PTPRT: variants seen among roughly 807,000 people sequenced by gnomAD.
The protein encoded by PTPRT is protein tyrosine phosphatase receptor type T.
In PTPRT, 56 loss-of-function variants were observed where a neutral mutation model predicts 176.8. The observed-to-expected ratio is 0.32, with a 90% CI of 0.26 to 0.40. PTPRT has a LOEUF of 0.40. PTPRT is among the 10% of genes least tolerant of loss of function. PTPRT has a pLI of 1.00. For missense variants in PTPRT, 1,540 were observed against 1,908.2 expected (o/e 0.81, Z 3.60); for synonymous variants, 783 against 739.0 (o/e 1.06, Z -0.96).
intron 6 of PTPRT, among the ~76,000 whole-genome samples, chr20:42,744,144 AC>A (rs2076655684): frequency 6.6e-6 from 1 of 152,148 alleles, no homozygotes; most frequent in Non-Finnish European, 1.5e-5. Flanking sequence ...CAGGAGGATC[AC>A]CAGTCCTCCG....
chr20:42,124,511 C>G (rs933338694), intron 19 of PTPRT, among the ~76,000 whole-genome samples: 1 of 152,158 alleles, frequency 6.6e-6, no homozygotes, highest in African/African-American at 2.4e-5. Context: ...CCACGGCCTC[C>G]GGAGGCAGAG....
rs932013028 is a variant in PTPRT at position 42,073,786 on chromosome 20, C to T, written c.*7093G>A. ...AGACCAAACACAATCTACTTGGATTCGTGCTCTACAGGTATGAATGAGTTC... is the reference window on the plus strand; with the variant it reads ...AGACCAAACACAATCTACTTGGATTTGTGCTCTACAGGTATGAATGAGTTC... On this transcript the variant is annotated 3_prime_UTR_variant, in exon 31 of 31. Transcript: ENST00000373187. The T allele has an allele frequency of 3.6e-5, 8 of 223,274 alleles. No homozygotes were observed. Among genetic ancestry groups the T allele is most frequent in the African/African-American group, 1.6e-4 (7 of 44,772 alleles). The allele number at this position is 223,274 out of a possible 1,614,324, so 13.8% of individuals were successfully genotyped here.
chr20:42,832,090 C>A (rs2078099268), intron 2 of PTPRT, among the ~76,000 whole-genome samples: 6 of 152,168 alleles, frequency 3.9e-5, no homozygotes, highest in Admixed American at 3.9e-4. Context: ...ATGTTCATGG[C>A]AGCACTATTC....
intron 9 of PTPRT, among the ~76,000 whole-genome samples, chr20:42,358,701 C>T (rs1389346915): frequency 6.6e-6 from 1 of 152,162 alleles, no homozygotes; most frequent in East Asian, 1.9e-4. Context: ...AGAAAAGGTG[C>T]CTGTCTCAAC....
At chr20:42,443,982 C>A (rs1568884413) in intron 9 of PTPRT, among the ~76,000 whole-genome samples, 1 of 152,292 alleles carries the variant, frequency 6.6e-6, no homozygotes, top group East Asian at 1.9e-4. Context: ...AGCTGGATGA[C>A]CTTTTAAGAA....
intron 2 of PTPRT, among the ~76,000 whole-genome samples, chr20:42,880,130 G>A (rs1224489649): frequency 6.6e-6 from 1 of 152,088 alleles, no homozygotes; most frequent in East Asian, 1.9e-4. Context: ...GTTTGTGGGT[G>A]GTGCACCTGG....
intron 1 of PTPRT, among the ~76,000 whole-genome samples, chr20:43,075,756 G>C (rs2011258023): frequency 6.6e-6 from 1 of 152,172 alleles, no homozygotes; most frequent in Non-Finnish European, 1.5e-5. Context: ...ATCTGAAATG[G>C]AGAGCATGTC....
chr20:42,517,158 T>C (rs1369858603), intron 7 of PTPRT, among the ~76,000 whole-genome samples: 3 of 152,092 alleles, frequency 2.0e-5, no homozygotes, highest in Non-Finnish European at 4.4e-5. Context: ...AAATCATTTG[T>C]ACCTGATGTT....
chr20:43,092,761 G>C (rs1181163249), intron 1 of PTPRT, among the ~76,000 whole-genome samples: 1 of 152,110 alleles, frequency 6.6e-6, no homozygotes, highest in Non-Finnish European at 1.5e-5. Context: ...CATTTCCATG[G>C]GTTGCCAAAT....
In PTPRT at chr20:42,605,938, A is replaced by T. The variant is rs7263077; in HGVS notation, c.1153+71928T>A. On this transcript the variant is annotated intron_variant, in intron 7 of 30. Transcript: ENST00000373187. ...AAATGTCATGTGGCCACGATCCTTC[A>T]TGAGCCTGATGGAGGCATGGTCTCA... is the stretch of plus-strand genomic sequence containing the variant. Among the ~76,000 whole-genome samples, 61 of 152,226 alleles carry T rather than the reference A, an allele frequency of 4.0e-4. 1 individual carries two copies. The highest frequency in any genetic ancestry group is 4.4e-5 in the Non-Finnish European group (3 of 68,012).
chr20:42,402,761 C>T (rs1348814478), intron 9 of PTPRT, among the ~76,000 whole-genome samples: 1 of 150,830 alleles, frequency 6.6e-6, no homozygotes, highest in Non-Finnish European at 1.5e-5. Context: ...ACATCTGCTG[C>T]TACTCATGCC....
intron 6 of PTPRT, among the ~76,000 whole-genome samples, chr20:42,754,553 G>T (rs1323147601): frequency 6.6e-6 from 1 of 152,234 alleles, no homozygotes; most frequent in African/African-American, 2.4e-5. Context: ...AAACTGTTGG[G>T]ATGACAGGCG....
At chr20:42,909,744 C>A (rs930396860) in intron 1 of PTPRT, among the ~76,000 whole-genome samples, 2 of 152,148 alleles carry the variant, frequency 1.3e-5, no homozygotes, top group Non-Finnish European at 2.9e-5. Flanking sequence ...CATCAGACCT[C>A]AGGCAGGAGA....
At chr20:42,579,003 A>T (rs1347541655) in intron 7 of PTPRT, among the ~76,000 whole-genome samples, 1 of 150,348 alleles carries the variant, frequency 6.7e-6, no homozygotes, top group Non-Finnish European at 1.5e-5. Flanking sequence ...GGTGTGCTGC[A>T]CCCATTAACT....
intron 9 of PTPRT, among the ~76,000 whole-genome samples, chr20:42,389,222 A>G (rs1436912174): frequency 6.6e-6 from 1 of 152,030 alleles, no homozygotes; most frequent in Non-Finnish European, 1.5e-5. Context: ...ACGTGTATAC[A>G]TATGTAACTA....
At chr20:42,299,342 A>G (rs2057427272) in intron 12 of PTPRT, among the ~76,000 whole-genome samples, 1 of 152,214 alleles carries the variant, frequency 6.6e-6, no homozygotes, top group Non-Finnish European at 1.5e-5. Flanking sequence ...ACATAACCAT[A>G]TTCTAGTGAA....
chr20:42,762,214 T>C (rs79509483), intron 5 of PTPRT, among the ~76,000 whole-genome samples: 3,029 of 152,212 alleles, frequency 0.02, 91 homozygotes, highest in African/African-American at 0.07. Context: ...TACTATTAGG[T>C]TGGGGTGAGG....
chr20:42,550,790 T>C (rs1263180293), intron 7 of PTPRT, among the ~76,000 whole-genome samples: 2 of 152,132 alleles, frequency 1.3e-5, no homozygotes, highest in East Asian at 3.9e-4. Flanking sequence ...CAGAAAACAC[T>C]GAAAGGAAAT....
intron 1 of PTPRT, among the ~76,000 whole-genome samples, chr20:43,095,225 G>A (rs760296572): frequency 6.6e-6 from 1 of 152,084 alleles, no homozygotes; most frequent in Non-Finnish European, 1.5e-5. Flanking sequence ...CACTTGCAGG[G>A]TGGCCTCTCA....
Sources: gnomAD v4.1 joint callset for allele counts (sites outside exome capture counted in the v4.1 genomes callset) on GRCh38, gnomAD v4.1.1 for gene constraint, MANE v1.5 for transcripts, NCBI Gene and HGNC (gene_info 2026-07-23, HGNC 2026-07-21) for gene names.